C14orf39: variants seen among roughly 807,000 people sequenced by gnomAD.
The protein encoded by C14orf39 is chromosome 14 open reading frame 39, also known as protein SIX6OS1.
A neutral mutation model predicts 85.6 loss-of-function variants in C14orf39; 66 were observed. The observed-to-expected ratio is 0.77, with a 90% CI of 0.63 to 0.95. The LOEUF is 0.95. Among genes scored for constraint, C14orf39 ranks in the 40% least tolerant of loss-of-function variants. C14orf39 has a pLI of 0.00. For synonymous variants in C14orf39, 242 were observed against 214.0 expected, an observed-to-expected ratio of 1.13 and a Z score of -1.14; for missense variants, 735 against 663.9, an observed-to-expected ratio of 1.11 and a Z score of -1.18.
intron 15 of C14orf39, among the ~76,000 whole-genome samples, chr14:60,455,383 A>G (rs1300779541): frequency 5.3e-5 from 8 of 152,090 alleles, no homozygotes; most frequent in Non-Finnish European, 8.8e-5. Flanking sequence ...AATAGGTACT[A>G]TTACTATCAT....
chr14:60,455,817 G>C (rs1268476066), intron 15 of C14orf39, among the ~76,000 whole-genome samples: 12 of 152,010 alleles, frequency 7.9e-5, no homozygotes, highest in Admixed American at 7.9e-4. Flanking sequence ...TATTAAATGA[G>C]CAGTATTTAT....
intron 16 of C14orf39, among the ~76,000 whole-genome samples, chr14:60,453,990 T>C (rs972107435): frequency 6.6e-6 from 1 of 151,940 alleles, no homozygotes; most frequent in African/African-American, 2.4e-5. Context: ...TACATTTATA[T>C]ACATGCATTT....
chr14:60,479,306 A>T (rs898921594), intron 4 of C14orf39, among the ~76,000 whole-genome samples: 2 of 152,212 alleles, frequency 1.3e-5, no homozygotes, highest in Non-Finnish European at 2.9e-5. Context: ...AAATGAAATT[A>T]GAAGATCAAA....
chr14:60,461,254 C>G, intron 13 of C14orf39, 100 bp downstream of exon 13: 1 of 970,564 alleles, frequency 1.0e-6, no homozygotes, highest in South Asian at 1.5e-5. Flanking sequence ...GTCAGTTAAC[C>G]AGAGATGCAA....
chr14:60,474,764 G>A (rs1892286257), intron 5 of C14orf39, among the ~76,000 whole-genome samples: 1 of 151,964 alleles, frequency 6.6e-6, no homozygotes, highest in African/African-American at 2.4e-5. Flanking sequence ...CTTGATCATG[G>A]TGGATAAGCT....
chr14:60,456,277 T>C (rs1289097386), intron 15 of C14orf39, among the ~76,000 whole-genome samples: 3 of 152,020 alleles, frequency 2.0e-5, no homozygotes, highest in African/African-American at 7.2e-5. Flanking sequence ...TTAATAATCA[T>C]GTTAGAGATA....
At chr14:60,510,073 G>T (rs1893267743) in intron 1 of C14orf39, 3 of 1,042,194 alleles carry the variant, frequency 2.9e-6, no homozygotes, top group Non-Finnish European at 4.4e-6. Context: ...AATTCAGCAG[G>T]AGTTGGGAGC....
rs752134283 is a variant in C14orf39 at position 60,455,087 on chromosome 14, A to C, written c.1417T>G (p.Ser473Ala). 2 of 1,581,518 alleles carry C rather than the reference A, an allele frequency of 1.3e-6. No individual in the cohort carries two copies. The highest frequency in any genetic ancestry group is 3.8e-5 in the Admixed American group (2 of 52,606). ...VQTEKESPGL[S>A]FLMSYTSRSP... ...CTAGAAGTATAACTCATAAGAAAAG[A>C]AAGTCCAGGGGATTCCTTTTCTGTT... The change falls in exon 16 of 18, where the codon TCT becomes GCT. Residue 473 changes from serine to alanine, a missense_variant. Coordinates refer to ENST00000321731, the MANE Select transcript of C14orf39 (RefSeq NM_174978.3).
intron 2 of C14orf39, chr14:60,494,124 A>G: frequency 3.1e-6 from 1 of 322,008 alleles, no homozygotes. Flanking sequence ...GACAGGGTCC[A>G]CATTCATCAA....
At position 60,471,625 on chromosome 14, in the gene C14orf39, T is replaced by C. The variant is rs1892084629; in HGVS notation, c.438A>G (p.Glu146=). Residue 146 remains glutamate (E), a synonymous_variant, in exon 6 of 18, where the codon GAA becomes GAG. Transcript: ENST00000321731. ...REYYEKKREH[E]EIQSRVLACT... The stretch of plus-strand genomic sequence containing the variant: ...ATGCCAACACTCTGCTTTGAATTTC[T>C]TCATGTTCTCTTTTCTTCTCATAAT... The C allele has an allele frequency of 6.8e-6, 11 of 1,611,218 alleles. No individual in the cohort carries two copies. The highest frequency in any genetic ancestry group is 1.3e-5 in the African/African-American group (1 of 74,784).
intron 5 of C14orf39, among the ~76,000 whole-genome samples, chr14:60,477,951 G>A (rs1892461345): frequency 6.6e-6 from 1 of 151,836 alleles, no homozygotes; most frequent in Non-Finnish European, 1.5e-5. Context: ...AGGCCGAGGC[G>A]GGCAGATCAC....
chr14:60,437,367 T>C (rs557710849), intron 17 of C14orf39, among the ~76,000 whole-genome samples: 2 of 151,952 alleles, frequency 1.3e-5, no homozygotes, highest in Non-Finnish European at 2.9e-5. Context: ...CAGACATGCA[T>C]AGGATGCATT....
At chr14:60,504,345 G>A (rs1445773204) in intron 1 of C14orf39, among the ~76,000 whole-genome samples, 2 of 152,190 alleles carry the variant, frequency 1.3e-5, no homozygotes, top group Non-Finnish European at 2.9e-5. Flanking sequence ...AATACAAACA[G>A]TTGATACAAT....
chr14:60,511,377 G>A (rs1192090855), intron 1 of C14orf39: 11 of 1,208,792 alleles, frequency 9.1e-6, no homozygotes, highest in Non-Finnish European at 1.2e-5. Context: ...CCAGGGACCC[G>A]CGGGCTCGGG....
chr14:60,473,799 G>A (rs942357461), intron 5 of C14orf39, among the ~76,000 whole-genome samples: 2 of 151,996 alleles, frequency 1.3e-5, no homozygotes, highest in African/African-American at 4.8e-5. Flanking sequence ...TGTTTTGGTT[G>A]CTGTAGCCTT....
intron 1 of C14orf39, among the ~76,000 whole-genome samples, chr14:60,503,873 A>G (rs1296807099): frequency 6.6e-6 from 1 of 152,178 alleles, no homozygotes; most frequent in African/African-American, 2.4e-5. Context: ...AAATGCTTCA[A>G]CTCCACAATA....
chr14:60,481,090 A>G (rs990191945), intron 4 of C14orf39, among the ~76,000 whole-genome samples: 2 of 152,254 alleles, frequency 1.3e-5, no homozygotes, highest in African/African-American at 4.8e-5. Context: ...CGAATATGCT[A>G]GAAAAATGAG....
intron 1 of C14orf39, chr14:60,509,300 CTCA>C: frequency 7.5e-6 from 8 of 1,060,184 alleles, no homozygotes; most frequent in Non-Finnish European, 1.0e-5. Context: ...CCCAATCCGC[CTCA>C]TCAACAAGCG....
rs923971682 is a variant in C14orf39, at chr14:60,484,090, G to C, written c.107-273C>G. On this transcript the variant is annotated intron_variant, in intron 3 of 17. Transcript: ENST00000321731. The surrounding 1 kb of genome is among the most constrained non-coding windows in gnomAD (Gnocchi z 4.2). ...CCTCATCTTTAACATAAAAGGGCTAGATTCAGTGATATCTAAGGTCAATCG... is the reference window on the plus strand; with the variant it reads ...CCTCATCTTTAACATAAAAGGGCTACATTCAGTGATATCTAAGGTCAATCG... 2.0e-5 allele frequency among the ~76,000 whole-genome samples: 3 copies of C among 152,182 alleles called. No homozygotes were observed. The highest frequency in any genetic ancestry group is 2.0e-4 in the Admixed American group (3 of 15,286).
Sources: gnomAD v4.1 joint callset for allele counts (sites outside exome capture counted in the v4.1 genomes callset) on GRCh38, gnomAD v4.1.1 for gene constraint, Gnocchi (gnomAD v3.1) non-coding constraint, MANE v1.5 for transcripts, NCBI Gene and HGNC (gene_info 2026-07-23, HGNC 2026-07-21) for gene names.